Variants in DACH2 observed in about 807,000 individuals in gnomAD.
DACH2 encodes the protein dachshund homolog 2.
Under a neutral mutation model 35.8 loss-of-function variants are expected in DACH2, and 17 were observed. That is an observed-to-expected ratio of 0.48 (90% CI 0.33 to 0.71). DACH2 has a LOEUF of 0.71. Among genes scored for constraint, DACH2 ranks in the 30% least tolerant of loss-of-function variants. The probability of loss-of-function intolerance (pLI) is 0.02; values close to 1 mark genes in which losing one functional copy is unlikely to be tolerated. For missense variants in DACH2, 469 were observed against 472.7 expected (o/e 0.99, Z 0.07); for synonymous variants, 195 against 177.3 (o/e 1.10, Z -0.79).
chrX:86,374,510 C>A (rs774478620), intron 1 of DACH2, among the ~76,000 whole-genome samples: 34 of 110,538 alleles, frequency 3.1e-4, no homozygotes, highest in African/African-American at 1.0e-3. Flanking sequence ...TCACTGCTTA[C>A]CACCATATGT....
At chrX:86,658,890 A>G (rs969870574) in intron 4 of DACH2, among the ~76,000 whole-genome samples, 10 of 111,572 alleles carry the variant, frequency 9.0e-5, no homozygotes. Context: ...CCACGATTAT[A>G]ACCACGTAAA....
At chrX:86,355,517 A>C (rs1446091515) in intron 1 of DACH2, among the ~76,000 whole-genome samples, 1 of 111,109 alleles carries the variant, frequency 9.0e-6, no homozygotes, top group African/African-American at 3.3e-5. Flanking sequence ...CCTTGACAGC[A>C]CTGTTATTTT....
intron 2 of DACH2, among the ~76,000 whole-genome samples, chrX:86,432,272 A>G (rs900334423): frequency 8.9e-6 from 1 of 112,298 alleles, no homozygotes; most frequent in African/African-American, 3.2e-5. Flanking sequence ...GTTTGTAGGT[A>G]CAAAACAGAA....
chrX:86,582,820 T>TA (rs1239016696), intron 3 of DACH2, among the ~76,000 whole-genome samples: 11 of 108,139 alleles, frequency 1.0e-4, no homozygotes, highest in Admixed American at 6.0e-4. Flanking sequence ...TAAAACTATT[T>TA]AAAAAAAAAA....
In DACH2 at chrX:86,205,494, T is replaced by C. The variant is rs1485773701; in HGVS notation, c.488+56386T>C. ...CTTCCCTCCTTCCCTCCTTCCCTCC[T>C]TCCTTCCTTCCTTCCTTCCTTCCTT... On this transcript the variant is annotated intron_variant, in intron 1 of 11. Transcript: ENST00000373125. 2.4e-3 allele frequency among the ~76,000 whole-genome samples: 125 copies of C among 51,072 alleles called. 1 individual carries two copies. The highest frequency in any genetic ancestry group is 0.011 in the African/African-American group (118 of 10,936). 44.3% of individuals were successfully genotyped at this position (51,072 alleles called of 115,157 possible).
chrX:86,303,093 G>A lies in DACH2; in HGVS notation c.489-73731G>A, dbSNP rs184000771. ...TATGTTGTGGAGGTGGGATTCAAAC[G>A]CAGACATTGTGGCCCCATAGTCCAT... is the stretch of plus-strand genomic sequence containing the variant. On this transcript the variant is annotated intron_variant, in intron 1 of 11. Transcript: ENST00000373125. Among the ~76,000 whole-genome samples the A allele has an allele frequency of 6.0e-3, 619 of 102,747 alleles. 5 individuals carry two copies. The highest frequency in any genetic ancestry group is 0.021 in the African/African-American group (592 of 28,013). 89.2% of individuals were successfully genotyped at this position (102,747 alleles called of 115,157 possible).
chrX:86,541,299 A>G (rs545052837), intron 3 of DACH2, among the ~76,000 whole-genome samples: 1 of 111,402 alleles, frequency 9.0e-6, no homozygotes, highest in Non-Finnish European at 1.9e-5. Flanking sequence ...TCCAGAAAAT[A>G]ATAATTGCTT....
At chrX:86,579,117 A>G (rs1425054450) in intron 3 of DACH2, among the ~76,000 whole-genome samples, 1 of 104,971 alleles carries the variant, frequency 9.5e-6, no homozygotes, top group Non-Finnish European at 1.9e-5. Context: ...TTTGAGACGG[A>G]GTTTCGCTCT....
chrX:86,686,922 C>T lies in DACH2; in HGVS notation c.773-8099C>T, dbSNP rs190124216. Among the ~76,000 whole-genome samples, 297 of 112,097 alleles carry T rather than the reference C, an allele frequency of 2.6e-3. 2 individuals carry two copies. The highest frequency in any genetic ancestry group is 9.2e-3 in the African/African-American group (284 of 30,853). ...TAAAGTGGCACTCAGGGAATACTTA[C>T]ATCTTGCAACATTTTAATTTAGAAA... On this transcript the variant is annotated intron_variant, in intron 4 of 11. Transcript: ENST00000373125.
At chrX:86,802,791 G>A (rs1226312717) in intron 7 of DACH2, among the ~76,000 whole-genome samples, 2 of 111,128 alleles carry the variant, frequency 1.8e-5, no homozygotes, top group African/African-American at 3.3e-5. Context: ...AAATGAGCCG[G>A]AGTGACAAAA....
At chrX:86,252,423 AG>A (rs2033420829) in intron 1 of DACH2, among the ~76,000 whole-genome samples, 1 of 111,056 alleles carries the variant, frequency 9.0e-6, no homozygotes, top group African/African-American at 3.3e-5. Context: ...TGCCTGAGAC[AG>A]TGTCTAAAAT....
At chrX:86,202,315 A>G (rs2032177189) in intron 1 of DACH2, among the ~76,000 whole-genome samples, 1 of 111,462 alleles carries the variant, frequency 9.0e-6, no homozygotes, top group South Asian at 3.7e-4. Flanking sequence ...GGCATATACA[A>G]ATACAAGAAA....
intron 2 of DACH2, among the ~76,000 whole-genome samples, chrX:86,425,861 T>C (rs1418533915): frequency 3.6e-5 from 4 of 110,616 alleles, no homozygotes; most frequent in Non-Finnish European, 7.6e-5. Flanking sequence ...CCGGGCAACA[T>C]CAAATAACTA....
chrX:86,755,837 T>C (rs922317542), intron 7 of DACH2, among the ~76,000 whole-genome samples: 1 of 110,124 alleles, frequency 9.1e-6, no homozygotes, highest in African/African-American at 3.3e-5. Context: ...GACCTCGTGA[T>C]CCACCCGCCT....
intron 1 of DACH2, among the ~76,000 whole-genome samples, chrX:86,272,606 A>T (rs913954696): frequency 4.5e-5 from 5 of 111,769 alleles, no homozygotes; most frequent in African/African-American, 1.6e-4. Flanking sequence ...GTTCTTTCCG[A>T]TGCAAAGTAA....
rs370911457 is a variant in DACH2, at chrX:86,592,944, A to G, written c.641-58092A>G. Among the ~76,000 whole-genome samples the G allele has an allele frequency of 4.5e-5, 5 of 111,989 alleles. No homozygotes were observed. In the South Asian group the frequency reaches 1.1e-3, roughly 25 times the overall value. On this transcript the variant is annotated intron_variant, in intron 3 of 11. Transcript: ENST00000373125. ...TTTGGGATCAGCTGTATACACAATCATGTCATCTACAAACAAAGCCAGTTT... is the reference window on the plus strand; with the variant it reads ...TTTGGGATCAGCTGTATACACAATCGTGTCATCTACAAACAAAGCCAGTTT...
intron 3 of DACH2, among the ~76,000 whole-genome samples, chrX:86,525,801 G>A (rs1431705911): frequency 9.0e-6 from 1 of 110,925 alleles, no homozygotes; most frequent in African/African-American, 3.3e-5. Flanking sequence ...ATCCCCAAAT[G>A]AGAGATCTCT....
At chrX:86,373,236 G>T (rs962368434) in intron 1 of DACH2, among the ~76,000 whole-genome samples, 1 of 110,539 alleles carries the variant, frequency 9.0e-6, no homozygotes, top group Non-Finnish European at 1.9e-5. Context: ...TAAGTTCTTT[G>T]AGAAATCCCC....
rs1471867195 is a variant in DACH2, at chrX:86,827,940, A to G, written c.1751-4166A>G. ...ATAAATAGAACCTTACACATACAGG[A>G]AAAATGTCCTAGAGAATGGGTTTCA... On this transcript the variant is annotated intron_variant, in intron 11 of 11. Coordinates refer to ENST00000373125, the MANE Select transcript of DACH2 (RefSeq NM_053281.3). 1.1e-5 allele frequency: 6 copies of G among 546,027 alleles called. No homozygotes were observed. The East Asian group carries it at 2.2e-4, about 20-fold the overall frequency. The allele number at this position is 546,027 out of a possible 1,213,427, so 45.0% of individuals were successfully genotyped here. A position where few individuals can be genotyped will look rare whatever the true frequency, so the allele number is the denominator to read the frequency against.
Sources: allele counts gnomAD v4.1 joint callset (sites outside exome capture counted in the v4.1 genomes callset), GRCh38; gene constraint gnomAD v4.1.1; transcripts MANE v1.5; gene names NCBI Gene and HGNC (gene_info 2026-07-23, HGNC 2026-07-21).